Variants in MAN2A1 observed in about 807,000 individuals in gnomAD.
The protein encoded by MAN2A1 is alpha-mannosidase 2.
Under a neutral mutation model 142.6 loss-of-function variants are expected in MAN2A1, and 76 were observed. The ratio of observed to expected loss-of-function variants is 0.53; its 90% CI spans 0.44 to 0.65. MAN2A1 has a LOEUF of 0.65. MAN2A1 is among the 30% of genes least tolerant of loss of function. The probability of loss-of-function intolerance (pLI) is 0.00; values close to 1 mark genes in which losing one functional copy is unlikely to be tolerated. For synonymous variants in MAN2A1, 559 were observed against 473.2 expected (o/e 1.18, Z -2.35); for missense variants, 1,311 against 1,365.1 (o/e 0.96, Z 0.62).
chr5:109,849,654 C>A (rs112504988), intron 19 of MAN2A1, among the ~76,000 whole-genome samples: 1 of 152,068 alleles, frequency 6.6e-6, no homozygotes, highest in Non-Finnish European at 1.5e-5. Context: ...CACATCCACC[C>A]TGTTCTCTTT....
intron 5 of MAN2A1, among the ~76,000 whole-genome samples, chr5:109,763,019 C>T (rs957447004): frequency 2.6e-5 from 4 of 152,212 alleles, no homozygotes; most frequent in African/African-American, 4.8e-5. Context: ...AGTTACTTCC[C>T]TTACAGGGTT....
chr5:109,839,517 A>C (rs1755144146), intron 16 of MAN2A1, among the ~76,000 whole-genome samples: 1 of 152,000 alleles, frequency 6.6e-6, no homozygotes, highest in Admixed American at 6.6e-5. Flanking sequence ...CATTAAAAAA[A>C]AAAAAAGGCA....
chr5:109,803,573 A>G (rs1378043091), intron 12 of MAN2A1, among the ~76,000 whole-genome samples: 4 of 152,070 alleles, frequency 2.6e-5, no homozygotes, highest in African/African-American at 9.7e-5. Context: ...TATATATAGA[A>G]TTATGATGAG....
intron 1 of MAN2A1, among the ~76,000 whole-genome samples, chr5:109,710,072 G>A (rs1257924839): frequency 3.9e-5 from 6 of 152,126 alleles, no homozygotes; most frequent in Non-Finnish European, 5.9e-5. Flanking sequence ...TTATTCCACC[G>A]CATAATATAA....
intron 20 of MAN2A1, among the ~76,000 whole-genome samples, chr5:109,861,678 A>G (rs1387292933): frequency 2.0e-5 from 3 of 152,226 alleles, no homozygotes; most frequent in Admixed American, 1.3e-4. Context: ...TCAAGGGCAC[A>G]CAGCCAGTAA....
chr5:109,728,229 TC>T (rs1490279821), intron 3 of MAN2A1, among the ~76,000 whole-genome samples: 20 of 152,232 alleles, frequency 1.3e-4, no homozygotes, highest in Non-Finnish European at 4.4e-5. Context: ...TTTTGTCTTC[TC>T]TGCCCTGGCA....
At chr5:109,756,474 A>C (rs1310996109) in intron 5 of MAN2A1, among the ~76,000 whole-genome samples, 2 of 152,096 alleles carry the variant, frequency 1.3e-5, no homozygotes, top group Admixed American at 1.3e-4. Context: ...TTAGAGATAA[A>C]ATTCTTAATC....
At chr5:109,735,472 G>C (rs577175468) in intron 4 of MAN2A1, among the ~76,000 whole-genome samples, 1 of 152,276 alleles carries the variant, frequency 6.6e-6, no homozygotes, top group South Asian at 2.1e-4. Context: ...TAGCCTCGAT[G>C]GTCTTTACAA....
chr5:109,852,831 A>T (rs1755517698), intron 19 of MAN2A1, among the ~76,000 whole-genome samples: 2 of 152,334 alleles, frequency 1.3e-5, no homozygotes, highest in East Asian at 3.9e-4. Flanking sequence ...TTACCTTTGT[A>T]GAGATTAATT....
chr5:109,755,241 G>T, intron 4 of MAN2A1, 88 bp from the exon 5 acceptor site: 2 of 1,008,376 alleles, frequency 2.0e-6, no homozygotes, highest in Non-Finnish European at 3.0e-6. Flanking sequence ...ATATTTAAAG[G>T]CTGTTCTTAA....
intron 12 of MAN2A1, among the ~76,000 whole-genome samples, chr5:109,814,900 G>A (rs1047453129): frequency 6.6e-6 from 1 of 152,172 alleles, no homozygotes; most frequent in Non-Finnish European, 1.5e-5. Flanking sequence ...AGCACCCAAA[G>A]AACATGCCAG....
At chr5:109,797,830 C>CA (rs1753904156) in intron 12 of MAN2A1, among the ~76,000 whole-genome samples, 1 of 152,042 alleles carries the variant, frequency 6.6e-6, no homozygotes, top group Non-Finnish European at 1.5e-5. Context: ...TAATATAGAA[C>CA]AAACGCTAGA....
chr5:109,795,240 G>GGGA (rs1352055689), intron 12 of MAN2A1, among the ~76,000 whole-genome samples: 1 of 152,012 alleles, frequency 6.6e-6, no homozygotes, highest in East Asian at 1.9e-4. Flanking sequence ...AGGTCTCTTG[G>GGGA]GGAGGAAATG....
rs1561460869 is a variant in MAN2A1, at chr5:109,690,316, A to C, written c.-102A>C. 12 of 1,290,500 alleles carry C rather than the reference A, an allele frequency of 9.3e-6. No homozygotes were observed. In the East Asian group the frequency reaches 2.6e-4, roughly 28 times the overall value. The allele number at this position is 1,290,500 out of a possible 1,614,324, so 79.9% of individuals were successfully genotyped here. On this transcript the variant is annotated 5_prime_UTR_variant, in exon 1 of 22. Transcript: ENST00000261483. Reference sequence around the variant, plus strand: ...GCATCCGAGAGCGCGGAGGTCGCGCAGCCCGGGAGAAGGGAGCCTCCGGCG... The same window carrying C: ...GCATCCGAGAGCGCGGAGGTCGCGCCGCCCGGGAGAAGGGAGCCTCCGGCG...
intron 7 of MAN2A1, among the ~76,000 whole-genome samples, chr5:109,771,586 G>A (rs1393110496): frequency 6.6e-6 from 1 of 152,110 alleles, no homozygotes; most frequent in South Asian, 2.1e-4. Flanking sequence ...CATTTTCTTG[G>A]TTCCTACAGC....
At chr5:109,861,651 G>A (rs1755763275) in intron 20 of MAN2A1, among the ~76,000 whole-genome samples, 1 of 152,204 alleles carries the variant, frequency 6.6e-6, no homozygotes. Flanking sequence ...CTGACCTAGA[G>A]ATATGATAGA....
At chr5:109,805,977 C>G (rs755127793) in intron 12 of MAN2A1, among the ~76,000 whole-genome samples, 1 of 152,152 alleles carries the variant, frequency 6.6e-6, no homozygotes, top group African/African-American at 2.4e-5. Flanking sequence ...GTGAAACAAC[C>G]GCTTGTGTTG....
intron 1 of MAN2A1, among the ~76,000 whole-genome samples, chr5:109,693,395 C>T (rs1469378390): frequency 1.3e-5 from 2 of 151,436 alleles, no homozygotes; most frequent in African/African-American, 4.9e-5. Flanking sequence ...TAGAGCCAAG[C>T]AGGTCGGTCA....
chr5:109,848,072 A>G lies in MAN2A1; in HGVS notation c.2976+282A>G, dbSNP rs568498943. ...TATTCCTGAAATTATTTTGAAAGACATAAGAATTGAAAAATTGAGCTAAAT... is the reference window on the plus strand; with the variant it reads ...TATTCCTGAAATTATTTTGAAAGACGTAAGAATTGAAAAATTGAGCTAAAT... On this transcript the variant is annotated intron_variant, in intron 19 of 21. Coordinates refer to ENST00000261483, the MANE Select transcript of MAN2A1 (RefSeq NM_002372.4). 1.6e-4 allele frequency among the ~76,000 whole-genome samples: 25 copies of G among 152,348 alleles called. No homozygotes were observed. In the South Asian group the frequency reaches 3.1e-3, roughly 19 times the overall value.
Sources: allele counts gnomAD v4.1 joint callset (sites outside exome capture counted in the v4.1 genomes callset), GRCh38; gene constraint gnomAD v4.1.1; transcripts MANE v1.5; gene names NCBI Gene and HGNC (gene_info 2026-07-23, HGNC 2026-07-21).